The following ATAD1 variants were observed in gnomAD, a reference collection of about 807,000 sequenced individuals.
ATAD1 encodes the protein outer mitochondrial transmembrane helix translocase.
In ATAD1, 18 loss-of-function variants were observed where a neutral mutation model predicts 42.7. The ratio of observed to expected loss-of-function variants is 0.42; its 90% CI spans 0.29 to 0.63. ATAD1 has a LOEUF of 0.63. ATAD1 is among the 20% of genes least tolerant of loss of function. The pLI is 0.19. For missense variants in ATAD1, 294 were observed against 440.4 expected, an observed-to-expected ratio of 0.67 and a Z score of 2.98; for synonymous variants, 132 against 143.1, an observed-to-expected ratio of 0.92 and a Z score of 0.55.
At chr10:87,798,625 G>GTGTGTGTGTGTGTGTGTGT (rs567973402) in intron 2 of ATAD1, among the ~76,000 whole-genome samples, 43 of 124,936 alleles carry the variant, frequency 3.4e-4, no homozygotes, top group African/African-American at 6.4e-4. Flanking sequence ...AGCTATAGGG[G>GTGTGTGTGTGTGTGTGTGT]GTGTGTGTGT....
chr10:87,766,842 T>C (rs1194949914), intron 8 of ATAD1, among the ~76,000 whole-genome samples: 3 of 151,502 alleles, frequency 2.0e-5, no homozygotes, highest in African/African-American at 7.3e-5. Flanking sequence ...AAAAAATATA[T>C]ACAGGAAAAA....
At position 87,756,917 on chromosome 10, in the gene ATAD1, A is replaced by G. The variant is rs1241520421; in HGVS notation, c.837T>C (p.Asp279=). The G allele has an allele frequency of 6.3e-7, 1 of 1,596,642 alleles. No individual in the cohort carries two copies. The change falls in exon 9 of 10, where the codon GAT becomes GAC. Residue 279 remains aspartate (D), a synonymous_variant. Transcript: ENST00000680024. The stretch of plus-strand genomic sequence containing the variant: ...CAACTTCTAGCAGGTCTACATGCCT[A>G]TCCACCTTAAACAAATATAAAAACA... The part of the protein sequence containing the change: ...LKLILKNENV[D]RHVDLLEVAQ...
At chr10:87,755,207 G>A (rs539500549) in intron 9 of ATAD1, among the ~76,000 whole-genome samples, 2 of 152,260 alleles carry the variant, frequency 1.3e-5, no homozygotes, top group East Asian at 1.9e-4. Flanking sequence ...CATGAAAACT[G>A]TAATTAAAAA....
intron 2 of ATAD1, among the ~76,000 whole-genome samples, chr10:87,802,435 C>T (rs538995381): frequency 2.8e-4 from 42 of 152,100 alleles, no homozygotes; most frequent in Non-Finnish European, 5.0e-4. Flanking sequence ...TGGTACAAAT[C>T]CATGGCTGGG....
At chr10:87,823,627 C>A (rs1364860243) in intron 1 of ATAD1, among the ~76,000 whole-genome samples, 3 of 152,020 alleles carry the variant, frequency 2.0e-5, no homozygotes, top group Non-Finnish European at 2.9e-5. Flanking sequence ...ATAGAAGAAA[C>A]AATAGTTGAA....
intron 1 of ATAD1, among the ~76,000 whole-genome samples, chr10:87,839,931 T>C (rs937023385): frequency 6.6e-6 from 1 of 152,222 alleles, no homozygotes; most frequent in African/African-American, 2.4e-5. Flanking sequence ...CATATTGTCC[T>C]TCACTTCATG....
chr10:87,777,033 T>C (rs1246340775), intron 5 of ATAD1, among the ~76,000 whole-genome samples: 2 of 152,180 alleles, frequency 1.3e-5, no homozygotes, highest in Non-Finnish European at 2.9e-5. Context: ...TCTGATACAA[T>C]AAACTTGGTA....
chr10:87,801,789 A>C (rs544759385), intron 2 of ATAD1, among the ~76,000 whole-genome samples: 14 of 152,294 alleles, frequency 9.2e-5, no homozygotes, highest in African/African-American at 2.9e-4. Context: ...CTCTTGAATG[A>C]ATGTTTCTGA....
chr10:87,814,619 A>G lies in ATAD1; in HGVS notation c.-13-7T>C. 6.3e-7 allele frequency: 1 copy of G among 1,580,768 alleles called. No individual in the cohort carries two copies. The highest frequency in any genetic ancestry group is 1.2e-5 in the South Asian group (1 of 85,178). The stretch of plus-strand genomic sequence containing the variant: ...TACCATCTTGAATGTTAACCTTAAA[A>G]AAACAAACAGAAATGTCACTAGGTA... On this transcript the variant is annotated splice_polypyrimidine_tract_variant and splice_region_variant and intron_variant, in intron 1 of 9. Coordinates refer to ENST00000680024, the MANE Select transcript of ATAD1 (RefSeq NM_001321967.2).
chr10:87,826,591 C>G (rs1481470987), intron 1 of ATAD1, among the ~76,000 whole-genome samples: 2 of 152,210 alleles, frequency 1.3e-5, no homozygotes, highest in Admixed American at 6.5e-5. Flanking sequence ...TCCAGATATT[C>G]TTGAACCTCT....
At chr10:87,803,338 G>C (rs1017816188) in intron 2 of ATAD1, among the ~76,000 whole-genome samples, 1 of 152,156 alleles carries the variant, frequency 6.6e-6, no homozygotes, top group Non-Finnish European at 1.5e-5. Flanking sequence ...TTTTAAAAAG[G>C]GAGGAAATAT....
chr10:87,768,678 T>C lies in ATAD1; in HGVS notation c.781-955A>G, dbSNP rs1033093972. Among the ~76,000 whole-genome samples, 12 of 152,340 alleles carry C rather than the reference T, an allele frequency of 7.9e-5. No homozygotes were observed. In the South Asian group the frequency reaches 1.0e-3, roughly 13 times the overall value. ...CTATACAAATTTATAATAAACTTGA[T>C]AAAACCTGTTACAACCCATTTTGAT... On this transcript the variant is annotated intron_variant, in intron 7 of 9. Transcript: ENST00000680024.
chr10:87,829,426 T>G (rs1466316735), intron 1 of ATAD1, among the ~76,000 whole-genome samples: 1 of 151,926 alleles, frequency 6.6e-6, no homozygotes, highest in African/African-American at 2.4e-5. Context: ...CAGCTAATTT[T>G]TTGTATTTTA....
At chr10:87,818,254 A>G, upstream of ATAD1, 2 of 985,456 alleles carry the variant, frequency 2.0e-6, no homozygotes, top group Non-Finnish European at 2.4e-6. Flanking sequence ...TTCCGGCGGG[A>G]GGCGCGGCGC....
chr10:87,773,195 T>A (rs189473151), intron 6 of ATAD1, among the ~76,000 whole-genome samples: 111 of 152,194 alleles, frequency 7.3e-4, no homozygotes, highest in Middle Eastern at 3.4e-3. Flanking sequence ...CAAAACATAA[T>A]TTTTTTATCA....
intron 8 of ATAD1, among the ~76,000 whole-genome samples, 179 bp downstream of exon 8, chr10:87,767,494 T>A (rs1854813682): frequency 6.6e-6 from 1 of 152,170 alleles, no homozygotes. Context: ...AGCCCACAGC[T>A]CACCTCCTGC....
intron 1 of ATAD1, chr10:87,832,331 C>A (rs1857847354): frequency 6.6e-6 from 1 of 151,642 alleles, no homozygotes; most frequent in Non-Finnish European, 1.5e-5. Flanking sequence ...GAGTTTGAGG[C>A]TGCAGTGGGC....
At chr10:87,801,400 T>C (rs1856686459) in intron 2 of ATAD1, among the ~76,000 whole-genome samples, 1 of 152,216 alleles carries the variant, frequency 6.6e-6, no homozygotes, top group African/African-American at 2.4e-5. Context: ...TGACATAATT[T>C]GGCTTATTTA....
intron 8 of ATAD1, among the ~76,000 whole-genome samples, chr10:87,766,956 C>A (rs1312122846): frequency 2.0e-5 from 3 of 151,938 alleles, no homozygotes; most frequent in Non-Finnish European, 4.4e-5. Flanking sequence ...ATTTTGATTA[C>A]CACAACTTCT....
Sources: gnomAD v4.1 joint callset for allele counts (sites outside exome capture counted in the v4.1 genomes callset) on GRCh38, gnomAD v4.1.1 for gene constraint, MANE v1.5 for transcripts, NCBI Gene and HGNC (gene_info 2026-07-23, HGNC 2026-07-21) for gene names.